Variants in RBFOX1 observed in about 807,000 individuals in gnomAD.
The protein encoded by RBFOX1 is RNA binding fox-1 homolog 1, also known as RNA binding protein fox-1 homolog 1.
A neutral mutation model predicts 57.7 loss-of-function variants in RBFOX1; 8 were observed. That is an observed-to-expected ratio of 0.14 (90% confidence interval 0.08 to 0.25). The LOEUF (loss-of-function observed/expected upper bound fraction) is 0.25. RBFOX1 is among the 10% of genes least tolerant of loss of function. RBFOX1 has a pLI of 1.00. For synonymous variants in RBFOX1, 326 were observed against 222.4 expected, an observed-to-expected ratio of 1.47 and a Z score of -4.15; for missense variants, 611 against 548.5, an observed-to-expected ratio of 1.11 and a Z score of -1.14.
At chr16:6,614,759 C>G (rs956159146) in intron 2 of RBFOX1, among the ~76,000 whole-genome samples, 23 of 152,170 alleles carry the variant, frequency 1.5e-4, no homozygotes, top group African/African-American at 5.3e-4. Context: ...CCATCTGTCT[C>G]TGACTTCACA....
chr16:5,721,052 C>A, intron 3 of RBFOX1, among the ~76,000 whole-genome samples: 1 of 152,090 alleles, frequency 6.6e-6, no homozygotes, highest in East Asian at 1.9e-4. Flanking sequence ...TCTTCTAATC[C>A]ATGAATATGA....
chr16:7,561,319 T>C (rs995532729), intron 5 of RBFOX1, among the ~76,000 whole-genome samples: 3 of 152,232 alleles, frequency 2.0e-5, no homozygotes, highest in Admixed American at 1.3e-4. Flanking sequence ...CTATTCACTC[T>C]ATGGCCCTTT....
chr16:6,022,421 C>G (rs955548468), intron 1 of RBFOX1, among the ~76,000 whole-genome samples: 1 of 152,090 alleles, frequency 6.6e-6, no homozygotes, highest in Non-Finnish European at 1.5e-5. Context: ...TGGCTCATGC[C>G]TGTAATCCCA....
intron 3 of RBFOX1, among the ~76,000 whole-genome samples, chr16:5,646,701 C>T (rs1281627065): frequency 6.6e-6 from 1 of 152,096 alleles, no homozygotes; most frequent in East Asian, 1.9e-4. Flanking sequence ...TTGGCGTGAT[C>T]TCTGCTCACT....
intron 3 of RBFOX1, among the ~76,000 whole-genome samples, chr16:7,021,409 G>A (rs1298332626): frequency 7.0e-6 from 1 of 142,862 alleles, no homozygotes; most frequent in Non-Finnish European, 1.5e-5. Flanking sequence ...TTTGTTTTAT[G>A]TATGTTTTTT....
chr16:5,643,270 A>G (rs1022799145), intron 3 of RBFOX1, among the ~76,000 whole-genome samples: 1 of 152,188 alleles, frequency 6.6e-6, no homozygotes, highest in Non-Finnish European at 1.5e-5. Flanking sequence ...CTTTGTAAAA[A>G]TGATGTGGCT....
chr16:5,525,491 ATTTTTTTTTT>A (rs71404528), intron 2 of RBFOX1, among the ~76,000 whole-genome samples: 5 of 78,272 alleles, frequency 6.4e-5, no homozygotes, highest in African/African-American at 1.6e-4. Context: ...AGCCGACACT[ATTTTTTTTTT>A]TTTTTTTTTT....
intron 4 of RBFOX1, among the ~76,000 whole-genome samples, chr16:7,292,018 A>T (rs1032960448): frequency 1.3e-4 from 19 of 141,044 alleles, no homozygotes; most frequent in African/African-American, 5.0e-4. Flanking sequence ...TATATATTGT[A>T]TATATTATAT....
At chr16:7,559,425 T>C in intron 5 of RBFOX1, among the ~76,000 whole-genome samples, 1 of 152,180 alleles carries the variant, frequency 6.6e-6, no homozygotes, top group East Asian at 1.9e-4. Flanking sequence ...TTGACTCCAG[T>C]CAGAGAAACC....
chr16:5,897,286 C>T (rs183480621), intron 4 of RBFOX1, among the ~76,000 whole-genome samples: 3,102 of 152,026 alleles, frequency 0.02, 82 homozygotes, highest in African/African-American at 0.068. Flanking sequence ...CCACCCGCCT[C>T]GGCCTCCCAA....
intron 4 of RBFOX1, among the ~76,000 whole-genome samples, chr16:7,178,457 T>A (rs571486148): frequency 2.6e-5 from 4 of 152,266 alleles, no homozygotes; most frequent in Admixed American, 2.0e-4. Flanking sequence ...AACACTAAAT[T>A]TTTTTTATTC....
chr16:7,070,381 C>G (rs982723705), intron 4 of RBFOX1, among the ~76,000 whole-genome samples: 27 of 152,188 alleles, frequency 1.8e-4, no homozygotes, highest in African/African-American at 5.8e-4. Flanking sequence ...GCCTCAGATG[C>G]ACCCACGCAT....
At chr16:5,520,781 G>A (rs2043981729) in intron 2 of RBFOX1, among the ~76,000 whole-genome samples, 2 of 152,194 alleles carry the variant, frequency 1.3e-5, no homozygotes, top group Admixed American at 6.5e-5. Context: ...GATAGAATGT[G>A]AGCAGAGATG....
intron 2 of RBFOX1, among the ~76,000 whole-genome samples, chr16:6,616,121 A>G (rs919062106): frequency 6.6e-6 from 1 of 152,186 alleles, no homozygotes; most frequent in Non-Finnish European, 1.5e-5. Context: ...AGAATCTTTT[A>G]TAGGAAGTGT....
At position 6,097,546 on chromosome 16, in the gene RBFOX1, G is replaced by C. The variant is rs527819524; in HGVS notation, c.-127+77554G>C. On this transcript the variant is annotated intron_variant, in intron 1 of 15. Coordinates refer to ENST00000550418, the MANE Select transcript of RBFOX1 (RefSeq NM_018723.4). The surrounding 1 kb of genome is among the most constrained non-coding windows in gnomAD (Gnocchi z 5.0). ...AGCTCTCTGAGTGCTTCTTCTGAAT[G>C]TTAAAGTATAAGAACCTCTGCTGCA... Among the ~76,000 whole-genome samples the C allele has an allele frequency of 1.3e-5, 2 of 152,146 alleles. No individual in the cohort carries two copies. Among genetic ancestry groups the C allele is most frequent in the Non-Finnish European group, 2.9e-5 (2 of 68,038 alleles).
chr16:6,570,916 T>G (rs1453818539), intron 2 of RBFOX1, among the ~76,000 whole-genome samples: 1 of 152,164 alleles, frequency 6.6e-6, no homozygotes, highest in Non-Finnish European at 1.5e-5. Flanking sequence ...TGCAGGGCCT[T>G]TGATTGAATA....
At chr16:6,927,749 G>T (rs1479003098) in intron 3 of RBFOX1, among the ~76,000 whole-genome samples, 3 of 151,992 alleles carry the variant, frequency 2.0e-5, no homozygotes, top group Non-Finnish European at 2.9e-5. Context: ...GTAAGGCCTG[G>T]AACCTAAAAT....
At chr16:6,795,323 G>C (rs1162442937) in intron 3 of RBFOX1, among the ~76,000 whole-genome samples, 3 of 152,030 alleles carry the variant, frequency 2.0e-5, no homozygotes, top group African/African-American at 4.8e-5. Context: ...TTCCAACACT[G>C]GTTTCAGGGC....
At position 6,214,764 on chromosome 16, in the gene RBFOX1, GGAGA is replaced by G. The variant is rs371110444; in HGVS notation, c.-126-102219_-126-102216del. 6.9e-4 allele frequency among the ~76,000 whole-genome samples: 67 copies of G among 96,632 alleles called. No homozygotes were observed. In the South Asian group the frequency reaches 0.012, roughly 17 times the overall value. The allele number at this position is 96,632 out of a possible 152,430, so 63.4% of individuals were successfully genotyped here. On this transcript the variant is annotated intron_variant, in intron 1 of 15. Transcript: ENST00000550418. ...GGGAGAAGGAGAAGGGGAGAGAGAA[GGAGA>G]GAGAGAGAGAGGGAGAAGGGGAGGG...
Sources: allele counts gnomAD v4.1 joint callset (sites outside exome capture counted in the v4.1 genomes callset), GRCh38; gene constraint gnomAD v4.1.1; non-coding constraint Gnocchi (gnomAD v3.1); transcripts MANE v1.5; gene names NCBI Gene and HGNC (gene_info 2026-07-23, HGNC 2026-07-21).